SYT14: variants seen among roughly 807,000 people sequenced by gnomAD.
SYT14 encodes the protein synaptotagmin-14.
SYT14 carries 32 observed loss-of-function variants against 74.2 expected under a neutral mutation model. That is an observed-to-expected ratio of 0.43 (90% CI 0.33 to 0.58). The LOEUF (loss-of-function observed/expected upper bound fraction) is 0.58, where lower values mean the gene tolerates loss of function less well. Ranked by LOEUF, SYT14 falls within the 20% of genes least tolerant of loss-of-function variation. SYT14 has a pLI of 0.05. For synonymous variants in SYT14, 298 were observed against 337.7 expected, an observed-to-expected ratio of 0.88 and a Z score of 1.29; for missense variants, 791 against 981.8, an observed-to-expected ratio of 0.81 and a Z score of 2.60.
intron 5 of SYT14, among the ~76,000 whole-genome samples, chr1:210,064,917 C>T (rs2081269636): frequency 6.6e-6 from 1 of 152,034 alleles, no homozygotes; most frequent in East Asian, 1.9e-4. Flanking sequence ...CACACCCTCG[C>T]CAACACTTGT....
At chr1:210,069,514 A>T (rs576315354) in intron 5 of SYT14, among the ~76,000 whole-genome samples, 1 of 152,124 alleles carries the variant, frequency 6.6e-6, no homozygotes, top group South Asian at 2.1e-4. Flanking sequence ...CCCATATATC[A>T]TTTTGTGGTA....
intron 5 of SYT14, among the ~76,000 whole-genome samples, chr1:210,065,634 A>C (rs1434804231): frequency 6.6e-6 from 1 of 151,738 alleles, no homozygotes; most frequent in Non-Finnish European, 1.5e-5. Flanking sequence ...TTAAAAGGCA[A>C]CTTTTTTGAA....
chr1:210,033,940 C>A (rs7536761), intron 5 of SYT14, among the ~76,000 whole-genome samples: 25,626 of 151,564 alleles, frequency 0.17, 2,601 homozygotes, highest in Non-Finnish European at 0.21. Context: ...TTTATAATTT[C>A]ATAGTGAACA....
At chr1:210,138,772 C>T (rs939986313) in intron 7 of SYT14, among the ~76,000 whole-genome samples, 13 of 152,010 alleles carry the variant, frequency 8.6e-5, no homozygotes, top group African/African-American at 3.1e-4. Flanking sequence ...TAAAAAGTTT[C>T]TGTAATGTTC....
chr1:209,948,252 A>C (rs2078853937), intron 1 of SYT14, among the ~76,000 whole-genome samples: 2 of 152,248 alleles, frequency 1.3e-5, no homozygotes, highest in Admixed American at 6.5e-5. Context: ...AAACATGTAC[A>C]TATGTTGTAA....
At chr1:210,058,041 G>A (rs1287332262) in intron 5 of SYT14, among the ~76,000 whole-genome samples, 1 of 152,142 alleles carries the variant, frequency 6.6e-6, no homozygotes, top group Admixed American at 6.5e-5. Flanking sequence ...TATATTAATT[G>A]TGTTTGTATC....
chr1:209,988,748 A>G (rs2079614686), intron 2 of SYT14, among the ~76,000 whole-genome samples: 1 of 152,140 alleles, frequency 6.6e-6, no homozygotes, highest in South Asian at 2.1e-4. Context: ...TCCCCATTTC[A>G]TGCTCTGTGT....
intron 7 of SYT14, among the ~76,000 whole-genome samples, chr1:210,143,384 C>T (rs1030580134): frequency 3.3e-5 from 5 of 152,142 alleles, no homozygotes; most frequent in African/African-American, 1.2e-4. Context: ...CACCATGTGT[C>T]AGCAGCACTG....
intron 2 of SYT14, chr1:209,953,111 C>A: frequency 1.5e-6 from 2 of 1,303,702 alleles, no homozygotes; most frequent in Non-Finnish European, 2.0e-6. Context: ...ATTACTGTAC[C>A]CCATCAGAGA....
exon 3 of SYT14, chr1:210,013,790 T>C (rs1372695957): frequency 6.2e-7 from 1 of 1,611,476 alleles, no homozygotes; most frequent in African/African-American, 1.3e-5. Flanking sequence ...ATTCACAAGA[T>C]AAAATTTGTA....
chr1:210,171,092 A>G (rs1292660129), exon 10 of SYT14: 1 of 152,138 alleles, frequency 6.6e-6, no homozygotes, highest in African/African-American at 2.4e-5. Flanking sequence ...TCTCTTTGCC[A>G]ATAGTAGTTT....
chr1:210,118,120 A>G (rs1046373425), intron 7 of SYT14, among the ~76,000 whole-genome samples: 3 of 152,192 alleles, frequency 2.0e-5, no homozygotes, highest in South Asian at 2.1e-4. Context: ...GAGATTAACA[A>G]ATGTTTTATG....
chr1:209,990,716 A>C (rs2079667998), intron 2 of SYT14, among the ~76,000 whole-genome samples: 1 of 149,634 alleles, frequency 6.7e-6, no homozygotes, highest in African/African-American at 2.5e-5. Context: ...AAAATAACTA[A>C]TGTACTCCAT....
intron 5 of SYT14, among the ~76,000 whole-genome samples, chr1:210,033,539 G>C (rs1426514378): frequency 6.6e-6 from 1 of 151,718 alleles, no homozygotes; most frequent in African/African-American, 2.4e-5. Flanking sequence ...TGACGCCTTA[G>C]AATATCTCTT....
intron 5 of SYT14, among the ~76,000 whole-genome samples, chr1:210,061,501 T>C (rs866734625): frequency 3.9e-5 from 6 of 152,058 alleles, no homozygotes; most frequent in South Asian, 2.1e-4. Flanking sequence ...TTTTTCCTTA[T>C]TCTTTTAAAA....
chr1:209,999,343 GGA>G (rs1454650242), intron 2 of SYT14, among the ~76,000 whole-genome samples: 24 of 152,062 alleles, frequency 1.6e-4, no homozygotes, highest in African/African-American at 4.8e-4. Flanking sequence ...GAAACAGTAT[GGA>G]GATATCTCAA....
Position 210,018,617 on chromosome 1 carries a change from G to T in SYT14, c.1096+1518G>T, listed in dbSNP as rs540921385. On this transcript the variant is annotated intron_variant, in intron 4 of 9. Coordinates refer to ENST00000637265, the Ensembl canonical transcript of SYT14. ...AAGTACATTACAAATAGCATGTAGG[G>T]TTTTTAACTTTTTAAATTTGTTTTC... is the stretch of plus-strand genomic sequence containing the variant. Among the ~76,000 whole-genome samples the T allele has an allele frequency of 2.5e-3, 388 of 152,218 alleles. 2 individuals are homozygous for T. The highest frequency in any genetic ancestry group is 8.9e-3 in the African/African-American group (369 of 41,542).
intron 6 of SYT14, among the ~76,000 whole-genome samples, chr1:210,099,313 T>TC: frequency 6.6e-6 from 1 of 152,296 alleles, no homozygotes; most frequent in South Asian, 2.1e-4. Flanking sequence ...AAAACTACCG[T>TC]TACAGCCTTT....
chr1:210,060,714 A>G (rs547415030), intron 5 of SYT14, among the ~76,000 whole-genome samples: 22 of 152,164 alleles, frequency 1.4e-4, no homozygotes, highest in African/African-American at 5.3e-4. Context: ...TGCTGCTATT[A>G]TTGCTGAGTG....
Sources: allele counts gnomAD v4.1 joint callset (sites outside exome capture counted in the v4.1 genomes callset), GRCh38; gene constraint gnomAD v4.1.1; transcripts MANE v1.5; gene names NCBI Gene and HGNC (gene_info 2026-07-23, HGNC 2026-07-21).